SERBP1: variants seen among roughly 807,000 people sequenced by gnomAD.
SERBP1 encodes SERPINE1 mRNA-binding protein 1.
Under a neutral mutation model 50.2 loss-of-function variants are expected in SERBP1, and 6 were observed. The ratio of observed to expected loss-of-function variants is 0.12; its 90% CI spans 0.07 to 0.24. The LOEUF is 0.24. Among genes scored for constraint, SERBP1 ranks in the 10% least tolerant of loss-of-function variants. The probability of loss-of-function intolerance (pLI) is 1.00; values close to 1 mark genes in which losing one functional copy is unlikely to be tolerated. For missense variants in SERBP1, 346 were observed against 524.9 expected, an observed-to-expected ratio of 0.66 and a Z score of 3.33; for synonymous variants, 168 against 182.8, an observed-to-expected ratio of 0.92 and a Z score of 0.65.
In SERBP1 at chr1:67,409,393, A is replaced by C. The variant is rs1205268897; in HGVS notation, c.*3814T>G. The C allele has an allele frequency of 9.6e-6, 1 of 103,996 alleles. No homozygotes were observed. Among genetic ancestry groups the C allele is most frequent in the Non-Finnish European group, 2.0e-5 (1 of 50,458 alleles). The allele number at this position is 103,996 out of a possible 1,614,324, so 6.4% of individuals were successfully genotyped here. A position where few individuals can be genotyped will look rare whatever the true frequency, so the allele number is the denominator to read the frequency against. The stretch of plus-strand genomic sequence containing the variant: ...TCTTAACTCAGGGACACGGACACAC[A>C]CACACACACACACACACACACACAC... On this transcript the variant is annotated 3_prime_UTR_variant, in exon 8 of 8. Transcript: ENST00000361219.
rs1202353662 is a variant in SERBP1 at position 67,426,217 on chromosome 1, G to T, written c.382C>A (p.Pro128Thr). Residue 128 changes from proline (P) to threonine (T), a missense_variant, in exon 2 of 8, where the codon CCA (proline) becomes ACA (threonine). Physicochemically the swap from Pro to Thr is conservative, Grantham distance 38. This residue lies in a region of SERBP1 where 257 missense variants were observed against 331.2 expected (regional missense o/e 0.78). Coordinates refer to ENST00000361219, the MANE Select transcript of SERBP1 (RefSeq NM_001018069.2). Reference protein sequence around the residue: ...QGEGKIIDRRPERRPPRERRF... With the variant: ...QGEGKIIDRRTERRPPRERRF... ...CGTTCACGAGGTGGTCGCCTTTCTG[G>T]TCTTCTATCAATTATTTTCCCTTCA... 1.2e-6 allele frequency: 2 copies of T among 1,609,988 alleles called. No individual in the cohort carries two copies. The highest frequency in any genetic ancestry group is 1.7e-6 in the Non-Finnish European group (2 of 1,178,262).
chr1:67,411,580 C>T lies in SERBP1; in HGVS notation c.*1627G>A, dbSNP rs1300550105. 6.6e-6 allele frequency: 1 copy of T among 152,146 alleles called. No homozygotes were observed. The highest frequency in any genetic ancestry group is 1.5e-5 in the Non-Finnish European group (1 of 68,010). The allele number at this position is 152,146 out of a possible 1,614,324, so 9.4% of individuals were successfully genotyped here. A position where few individuals can be genotyped will look rare whatever the true frequency, so the allele number is the denominator to read the frequency against. On this transcript the variant is annotated 3_prime_UTR_variant, in exon 8 of 8. Transcript: ENST00000361219. ...GTTTATCCATCATTAAAAACAATTACCTCCTTCCTAAAATGTCAGAATAGT... is the reference window on the plus strand; with the variant it reads ...GTTTATCCATCATTAAAAACAATTATCTCCTTCCTAAAATGTCAGAATAGT...
chr1:67,413,104 GTCTT>G lies in SERBP1; in HGVS notation c.*99_*102del, dbSNP rs1666892421. 1 of 1,342,376 alleles carries G rather than the reference GTCTT, an allele frequency of 7.4e-7. No individual in the cohort carries two copies. Among genetic ancestry groups the G allele is most frequent in the African/African-American group, 1.5e-5 (1 of 64,618 alleles). The allele number at this position is 1,342,376 out of a possible 1,614,324, so 83.2% of individuals were successfully genotyped here. On this transcript the variant is annotated 3_prime_UTR_variant, in exon 8 of 8. Coordinates refer to ENST00000361219, the MANE Select transcript of SERBP1 (RefSeq NM_001018069.2). ...TTAGGTGTGAATGGTATGAATGACA[GTCTT>G]TTTTTTTTTAATTTCTTAGTCGTTT...
intron 1 of SERBP1, among the ~76,000 whole-genome samples, chr1:67,428,697 G>A (rs1164975691): frequency 6.7e-6 from 1 of 148,564 alleles, no homozygotes; most frequent in Non-Finnish European, 1.5e-5. Context: ...TCACCACCTA[G>A]GACCGAGGTT....
At chr1:67,426,961 G>A (rs1053460796) in intron 1 of SERBP1, among the ~76,000 whole-genome samples, 3 of 152,098 alleles carry the variant, frequency 2.0e-5, no homozygotes, top group African/African-American at 7.2e-5. Flanking sequence ...CTTAGCTACA[G>A]GCACACAAAA....
intron 1 of SERBP1, among the ~76,000 whole-genome samples, 163 bp from the exon 2 acceptor site, chr1:67,426,448 C>A (rs953231149): frequency 6.6e-6 from 1 of 152,160 alleles, no homozygotes; most frequent in African/African-American, 2.4e-5. Context: ...CTTAGGAAAA[C>A]TGCCATTTAA....
Position 67,430,089 on chromosome 1 carries a change from C to A in SERBP1, c.212G>T (p.Arg71Leu). The change falls in exon 1 of 8, where the codon CGC (arginine) becomes CTC (leucine). Residue 71 changes from arginine to leucine, a missense_variant. This residue lies in a region of SERBP1 where 257 missense variants were observed against 331.2 expected (regional missense o/e 0.78). Coordinates refer to ENST00000361219, the MANE Select transcript of SERBP1 (RefSeq NM_001018069.2). Reference protein sequence around the residue: ...TNSNAAGKQLRKESQKDRKNP... With the variant: ...TNSNAAGKQLLKESQKDRKNP... ...CTTGCGGTCTTTCTGGGACTCCTTG[C>A]GCAGCTGTTTGCCTGCCGCGTTGGA... The A allele has an allele frequency of 2.5e-6, 4 of 1,613,208 alleles. No homozygotes were observed. The highest frequency in any genetic ancestry group is 3.4e-6 in the Non-Finnish European group (4 of 1,179,862).
intron 1 of SERBP1, 53 bp from the exon 2 acceptor site, chr1:67,426,338 T>C (rs1667378919): frequency 1.3e-6 from 2 of 1,525,256 alleles, no homozygotes; most frequent in Non-Finnish European, 1.8e-6. Flanking sequence ...ATCCAAAAAC[T>C]TTAGGCCTGG....
At chr1:67,417,819 A>G (rs1254883955) in intron 6 of SERBP1, among the ~76,000 whole-genome samples, 1 of 151,788 alleles carries the variant, frequency 6.6e-6, no homozygotes, top group Non-Finnish European at 1.5e-5. Flanking sequence ...CCTTTTTTCT[A>G]GAGCACTCAG....
chr1:67,413,342 A>T, intron 7 of SERBP1, 79 bp from the exon 8 acceptor site: 1 of 1,292,038 alleles, frequency 7.7e-7, no homozygotes, highest in Non-Finnish European at 1.0e-6. Context: ...ACATTAAGAC[A>T]GAACTCTAAA....
chr1:67,424,177 C>T lies in SERBP1; in HGVS notation c.773+23G>A, dbSNP rs1180334601. 3.8e-6 allele frequency: 6 copies of T among 1,596,340 alleles called. No homozygotes were observed. In the East Asian group the frequency reaches 1.1e-4, roughly 30 times the overall value. ...CAGTGCTTTCAATTCTGGGTCATTA[C>T]TATTACACGCAATACCACTTACTTA... On this transcript the variant is annotated intron_variant, in intron 5 of 7. Transcript: ENST00000361219.
intron 5 of SERBP1, chr1:67,420,388 G>T (rs1253057285): frequency 2.8e-5 from 14 of 494,622 alleles, no homozygotes; most frequent in Non-Finnish European, 4.6e-5. Flanking sequence ...TTAGAGACAA[G>T]TAAGGAATAT....
rs1454070050 is a variant in SERBP1, at chr1:67,420,078, T to A, written c.882A>T (p.Arg294=). ...GCCCATCAGCACCTTCATTTGGTTT[T>A]CGGATATTAAATTCTACTTTTGCCC... ...KDRAKVEFNI[R]KPNEGADGQW... Residue 294 remains arginine (R), a synonymous_variant, in exon 6 of 8, where the codon CGA becomes CGT. Transcript: ENST00000361219. The A allele has an allele frequency of 6.2e-7, 1 of 1,613,616 alleles. No homozygotes were observed. Among genetic ancestry groups the A allele is most frequent in the African/African-American group, 1.3e-5 (1 of 74,908 alleles).
rs772916171 is a variant in SERBP1 at position 67,413,195 on chromosome 1, T to G, written c.*12A>C. Reference sequence around the variant, plus strand: ...GTTCACAAAGGAACCAGGGTTGTCTTATGGCATCCAGTTAAGCCAGAGCTG... The same window carrying G: ...GTTCACAAAGGAACCAGGGTTGTCTGATGGCATCCAGTTAAGCCAGAGCTG... On this transcript the variant is annotated 3_prime_UTR_variant, in exon 8 of 8. Transcript: ENST00000361219. 6.3e-7 allele frequency: 1 copy of G among 1,598,736 alleles called. No individual in the cohort carries two copies. Among genetic ancestry groups the G allele is most frequent in the African/African-American group, 1.4e-5 (1 of 73,808 alleles).
At chr1:67,420,782 A>T (rs1667175039) in intron 5 of SERBP1, among the ~76,000 whole-genome samples, 1 of 152,234 alleles carries the variant, frequency 6.6e-6, no homozygotes, top group Non-Finnish European at 1.5e-5. Context: ...CTGTATATGG[A>T]AAGGAGGCCA....
intron 6 of SERBP1, among the ~76,000 whole-genome samples, chr1:67,415,910 G>A (rs1472050509): frequency 6.6e-6 from 1 of 151,814 alleles, no homozygotes; most frequent in Non-Finnish European, 1.5e-5. Context: ...ACAAATTGGA[G>A]AGCTACAAAT....
chr1:67,416,062 G>T (rs1485957977), intron 6 of SERBP1, among the ~76,000 whole-genome samples: 1 of 148,710 alleles, frequency 6.7e-6, no homozygotes, highest in Non-Finnish European at 1.5e-5. Flanking sequence ...ACCCAGGCTG[G>T]AGTGCAGTGG....
chr1:67,425,733 C>T (rs1384077285), intron 2 of SERBP1, among the ~76,000 whole-genome samples: 1 of 152,222 alleles, frequency 6.6e-6, no homozygotes, highest in African/African-American at 2.4e-5. Flanking sequence ...ACAATGCACA[C>T]ATACAGATGT....
intron 6 of SERBP1, among the ~76,000 whole-genome samples, chr1:67,419,106 G>A (rs1016750913): frequency 6.6e-6 from 1 of 152,210 alleles, no homozygotes; most frequent in Non-Finnish European, 1.5e-5. Flanking sequence ...CTTGAACAAC[G>A]TGGCTTTGAA....
Sources: allele counts gnomAD v4.1 joint callset (sites outside exome capture counted in the v4.1 genomes callset), GRCh38; gene constraint gnomAD v4.1.1; regional missense constraint gnomAD v4.1.1; transcripts MANE v1.5; gene names NCBI Gene and HGNC (gene_info 2026-07-23, HGNC 2026-07-21).